The following SNTG1 variants were observed in gnomAD, a reference collection of about 807,000 sequenced individuals.
SNTG1 encodes the protein syntrophin gamma 1, also known as gamma-1-syntrophin.
Under a neutral mutation model 74.7 loss-of-function variants are expected in SNTG1, and 39 were observed. That is an observed-to-expected ratio of 0.52 (90% CI 0.40 to 0.68). The LOEUF (loss-of-function observed/expected upper bound fraction) is 0.68, where lower values mean the gene tolerates loss of function less well. Ranked by LOEUF, SNTG1 falls within the 30% of genes least tolerant of loss-of-function variation. The pLI is 0.00. For missense variants in SNTG1, 685 were observed against 609.5 expected, an observed-to-expected ratio of 1.12 and a Z score of -1.30; for synonymous variants, 254 against 217.1, an observed-to-expected ratio of 1.17 and a Z score of -1.49.
chr8:50,501,571 G>A (rs2093955751), intron 8 of SNTG1, among the ~76,000 whole-genome samples: 1 of 150,306 alleles, frequency 6.7e-6, no homozygotes, highest in Non-Finnish European at 1.5e-5. Context: ...GAGTAGCTAG[G>A]ATTACAGACG....
chr8:50,143,264 C>A (rs1405306117), intron 1 of SNTG1, among the ~76,000 whole-genome samples: 1 of 152,008 alleles, frequency 6.6e-6, no homozygotes, highest in African/African-American at 2.4e-5. Context: ...ATATCACTTT[C>A]TGTCTGAGGT....
At chr8:50,020,959 T>C (rs1041598010) in intron 1 of SNTG1, among the ~76,000 whole-genome samples, 1 of 152,290 alleles carries the variant, frequency 6.6e-6, no homozygotes, top group Non-Finnish European at 1.5e-5. Context: ...GTTTCTCAAA[T>C]TGCAATCTAC....
At chr8:50,671,355 C>T (rs1363667019) in intron 15 of SNTG1, among the ~76,000 whole-genome samples, 2 of 151,630 alleles carry the variant, frequency 1.3e-5, no homozygotes, top group Non-Finnish European at 2.9e-5. Context: ...AAGAAAAAAA[C>T]AAACAACCCC....
intron 17 of SNTG1, among the ~76,000 whole-genome samples, chr8:50,713,543 T>A (rs2095467657): frequency 6.6e-6 from 1 of 152,196 alleles, no homozygotes; most frequent in Non-Finnish European, 1.5e-5. Flanking sequence ...TTTGTTGTAA[T>A]TGCTTTTGGT....
chr8:50,077,545 G>C (rs1822003993), intron 1 of SNTG1, among the ~76,000 whole-genome samples: 1 of 152,056 alleles, frequency 6.6e-6, no homozygotes, highest in Non-Finnish European at 1.5e-5. Flanking sequence ...GTCAATATTT[G>C]TCTAATTTGT....
chr8:50,300,639 TA>T (rs535838421), intron 2 of SNTG1, among the ~76,000 whole-genome samples: 1 of 152,180 alleles, frequency 6.6e-6, no homozygotes, highest in Admixed American at 6.5e-5. Flanking sequence ...GGAGACTGAT[TA>T]AAAAAATTCT....
chr8:49,949,948 G>A (rs1402522979), intron 1 of SNTG1, among the ~76,000 whole-genome samples: 4 of 152,194 alleles, frequency 2.6e-5, no homozygotes, highest in Non-Finnish European at 5.9e-5. Context: ...GCAACATGGT[G>A]AAACCTCATC....
At chr8:50,749,379 A>G (rs532363021) in intron 17 of SNTG1, among the ~76,000 whole-genome samples, 112 of 152,170 alleles carry the variant, frequency 7.4e-4, no homozygotes, top group African/African-American at 2.7e-3. Context: ...CCATAAAAGT[A>G]CAACGTGAAG....
intron 13 of SNTG1, among the ~76,000 whole-genome samples, chr8:50,625,182 C>CT (rs1400763133): frequency 6.6e-6 from 1 of 152,198 alleles, no homozygotes; most frequent in Non-Finnish European, 1.5e-5. Context: ...AGGTAAGACC[C>CT]TACAGCACAT....
intron 1 of SNTG1, among the ~76,000 whole-genome samples, chr8:50,171,207 G>GAA (rs1184194262): frequency 6.6e-6 from 1 of 151,988 alleles, no homozygotes; most frequent in Non-Finnish European, 1.5e-5. Flanking sequence ...AGGACTAATA[G>GAA]GAAATATACA....
intron 1 of SNTG1, among the ~76,000 whole-genome samples, chr8:50,097,145 T>C (rs921171709): frequency 2.6e-5 from 4 of 152,004 alleles, no homozygotes; most frequent in African/African-American, 7.2e-5. Flanking sequence ...AATTTTTTTG[T>C]GTTTTTAGTA....
intron 1 of SNTG1, among the ~76,000 whole-genome samples, chr8:50,101,199 T>G (rs906908605): frequency 6.6e-6 from 1 of 152,092 alleles, no homozygotes; most frequent in Non-Finnish European, 1.5e-5. Context: ...CATCTAGGTT[T>G]ATGCTATGTC....
chr8:50,571,813 A>C (rs1458535937), intron 12 of SNTG1, among the ~76,000 whole-genome samples: 1 of 152,172 alleles, frequency 6.6e-6, no homozygotes, highest in East Asian at 1.9e-4. Flanking sequence ...AATTGTGTTA[A>C]GCAGTAGATG....
intron 1 of SNTG1, among the ~76,000 whole-genome samples, chr8:50,163,304 T>C (rs1284453551): frequency 1.3e-5 from 2 of 152,184 alleles, no homozygotes; most frequent in Non-Finnish European, 2.9e-5. Flanking sequence ...AACCATAACC[T>C]ATATAACCTA....
rs192954963 is a variant in SNTG1 at position 50,450,210 on chromosome 8, A to G, written c.278-346A>G. Among the ~76,000 whole-genome samples the G allele has an allele frequency of 3.3e-5, 5 of 152,356 alleles. No homozygotes were observed. In the East Asian group the frequency reaches 7.7e-4, roughly 23 times the overall value. ...TAAAAATGAACTTGGAGCCAATTCC[A>G]TAGCTGACGGATTGAATGTCTATGT... On this transcript the variant is annotated intron_variant, in intron 6 of 18. Coordinates refer to ENST00000642720, the MANE Select transcript of SNTG1 (RefSeq NM_018967.5).
chr8:50,083,544 T>C (rs1586193242), intron 1 of SNTG1, among the ~76,000 whole-genome samples: 1 of 152,240 alleles, frequency 6.6e-6, no homozygotes, highest in South Asian at 2.1e-4. Context: ...ATTATTTACA[T>C]GCACATTCAG....
At chr8:50,252,031 A>G (rs1297767042) in intron 2 of SNTG1, among the ~76,000 whole-genome samples, 1 of 152,196 alleles carries the variant, frequency 6.6e-6, no homozygotes, top group Non-Finnish European at 1.5e-5. Context: ...CCACAGAAGT[A>G]TAAAACTAGA....
At chr8:50,691,903 G>T (rs2095381699) in intron 15 of SNTG1, among the ~76,000 whole-genome samples, 1 of 152,064 alleles carries the variant, frequency 6.6e-6, no homozygotes, top group Non-Finnish European at 1.5e-5. Context: ...ATGTAGATTT[G>T]GTCTTTTCAC....
chr8:50,118,621 C>A (rs2080903078), intron 1 of SNTG1, among the ~76,000 whole-genome samples: 1 of 143,538 alleles, frequency 7.0e-6, no homozygotes, highest in Non-Finnish European at 1.6e-5. Flanking sequence ...CTCTCCATTC[C>A]CTGTGGACCC....
Sources: allele counts gnomAD v4.1 joint callset (sites outside exome capture counted in the v4.1 genomes callset), GRCh38; gene constraint gnomAD v4.1.1; transcripts MANE v1.5; gene names NCBI Gene and HGNC (gene_info 2026-07-23, HGNC 2026-07-21).